The following AGBL4 variants were observed in gnomAD, a reference collection of about 807,000 sequenced individuals.
AGBL4 encodes AGBL carboxypeptidase 4, also known as cytosolic carboxypeptidase 6.
AGBL4 carries 58 observed loss-of-function variants against 66.4 expected under a neutral mutation model. That is an observed-to-expected ratio of 0.87 (90% CI 0.71 to 1.09). The LOEUF (loss-of-function observed/expected upper bound fraction) is 1.09, where lower values mean the gene tolerates loss of function less well. AGBL4 is among the 50% of genes least tolerant of loss of function. The pLI is 0.00. For synonymous variants in AGBL4, 234 were observed against 222.9 expected (o/e 1.05, Z -0.44); for missense variants, 579 against 631.0 (o/e 0.92, Z 0.88).
At chr1:48,841,124 A>T (rs1256320701) in intron 6 of AGBL4, among the ~76,000 whole-genome samples, 1 of 152,170 alleles carries the variant, frequency 6.6e-6, no homozygotes, top group African/African-American at 2.4e-5. Context: ...GAAGGGTGTG[A>T]CTACCAGAGG....
At chr1:48,890,440 A>T (rs1225031939) in intron 5 of AGBL4, among the ~76,000 whole-genome samples, 1 of 152,204 alleles carries the variant, frequency 6.6e-6, no homozygotes, top group African/African-American at 2.4e-5. Flanking sequence ...AATTTATTGG[A>T]GTAAGAATCT....
chr1:49,699,028 G>A (rs769026130), intron 2 of AGBL4, among the ~76,000 whole-genome samples: 1 of 152,004 alleles, frequency 6.6e-6, no homozygotes, highest in Non-Finnish European at 1.5e-5. Flanking sequence ...TTAAGTTCAT[G>A]TTTTAAAGCA....
intron 1 of AGBL4, among the ~76,000 whole-genome samples, chr1:49,936,106 G>A (rs1653979238): frequency 6.6e-6 from 1 of 152,180 alleles, no homozygotes; most frequent in African/African-American, 2.4e-5. Context: ...TTAGATGAAT[G>A]TATAACTAGA....
chr1:49,161,691 A>G (rs567590410), intron 4 of AGBL4, among the ~76,000 whole-genome samples: 1 of 152,208 alleles, frequency 6.6e-6, no homozygotes, highest in African/African-American at 2.4e-5. Context: ...TGGTGGGTCT[A>G]CTGGCTTTTT....
At chr1:49,753,173 T>A (rs574678716) in intron 2 of AGBL4, among the ~76,000 whole-genome samples, 1 of 152,372 alleles carries the variant, frequency 6.6e-6, no homozygotes, top group Admixed American at 6.5e-5. Flanking sequence ...CAATGATCTT[T>A]ACATTTTGGT....
intron 3 of AGBL4, among the ~76,000 whole-genome samples, chr1:49,574,041 T>C (rs1237813436): frequency 6.6e-6 from 1 of 152,122 alleles, no homozygotes; most frequent in Non-Finnish European, 1.5e-5. Context: ...AAAATAATGT[T>C]GATTCTCTTC....
At chr1:49,778,675 T>G (rs1644261180) in intron 2 of AGBL4, among the ~76,000 whole-genome samples, 1 of 152,174 alleles carries the variant, frequency 6.6e-6, no homozygotes, top group Non-Finnish European at 1.5e-5. Flanking sequence ...ATGCCTTGCC[T>G]CTGCAATGGG....
At chr1:48,850,414 C>T (rs1647007744) in intron 6 of AGBL4, among the ~76,000 whole-genome samples, 2 of 152,184 alleles carry the variant, frequency 1.3e-5, no homozygotes, top group African/African-American at 2.4e-5. Flanking sequence ...TTTGCTCTGA[C>T]CTTTTTGCCT....
intron 3 of AGBL4, among the ~76,000 whole-genome samples, chr1:49,416,461 T>A (rs1020684059): frequency 6.6e-6 from 1 of 152,130 alleles, no homozygotes; most frequent in South Asian, 2.1e-4. Context: ...GGAGCCACTA[T>A]TTCCTCATCC....
At chr1:48,683,572 C>A (rs1049995796) in intron 6 of AGBL4, among the ~76,000 whole-genome samples, 1 of 151,884 alleles carries the variant, frequency 6.6e-6, no homozygotes, top group African/African-American at 2.4e-5. Flanking sequence ...AAAGCGTGTT[C>A]AAAAAAAATC....
intron 3 of AGBL4, among the ~76,000 whole-genome samples, chr1:49,422,074 C>T (rs1301725992): frequency 6.6e-6 from 1 of 152,160 alleles, no homozygotes; most frequent in African/African-American, 2.4e-5. Flanking sequence ...AGACTTTGGT[C>T]TTAATCAATT....
At chr1:49,653,020 C>T (rs1646041150) in intron 3 of AGBL4, among the ~76,000 whole-genome samples, 2 of 152,246 alleles carry the variant, frequency 1.3e-5, no homozygotes, top group South Asian at 2.1e-4. Context: ...CTGGGTGAGA[C>T]CTCCCAACAG....
intron 2 of AGBL4, 32 bp from the exon 3 acceptor site, chr1:49,697,469 A>G (rs1285521493): frequency 6.8e-7 from 1 of 1,470,530 alleles, no homozygotes; most frequent in African/African-American, 1.4e-5. Flanking sequence ...ATTGGATTTT[A>G]ATAGAAGTTC....
chr1:49,943,572 C>T (rs1261935975), intron 1 of AGBL4, among the ~76,000 whole-genome samples: 1 of 152,072 alleles, frequency 6.6e-6, no homozygotes, highest in Non-Finnish European at 1.5e-5. Flanking sequence ...GGAGCTAAGT[C>T]AATTTAGAGA....
chr1:49,890,905 G>A (rs1042337708), intron 1 of AGBL4, among the ~76,000 whole-genome samples: 2 of 152,098 alleles, frequency 1.3e-5, no homozygotes, highest in Non-Finnish European at 2.9e-5. Context: ...ATTAAATTTG[G>A]GGTTCATCTG....
chr1:49,324,115 A>G (rs1447853013), intron 3 of AGBL4, among the ~76,000 whole-genome samples: 6 of 152,256 alleles, frequency 3.9e-5, no homozygotes, highest in Admixed American at 3.3e-4. Flanking sequence ...GAATTTCTAT[A>G]TGGTCCAAAC....
chr1:49,705,306 G>A lies in AGBL4; in HGVS notation c.158-7869C>T, dbSNP rs368231942. ...CCTGTGACTTTGCTGAAGTTATCAG[G>A]TTAAGAATATTTTGAGCTGAGATGA... On this transcript the variant is annotated intron_variant, in intron 2 of 13. Coordinates refer to ENST00000371839, the MANE Select transcript of AGBL4 (RefSeq NM_032785.4). 1.6e-3 allele frequency among the ~76,000 whole-genome samples: 241 copies of A among 152,098 alleles called. 1 individual carries two copies. The highest frequency in any genetic ancestry group is 4.9e-3 in the African/African-American group (204 of 41,540).
chr1:48,739,040 C>T (rs1649500719), intron 6 of AGBL4, among the ~76,000 whole-genome samples: 1 of 152,206 alleles, frequency 6.6e-6, no homozygotes, highest in Non-Finnish European at 1.5e-5. Context: ...TTCCTTGCTG[C>T]CACCACGGTG....
intron 3 of AGBL4, among the ~76,000 whole-genome samples, chr1:49,284,581 T>C (rs1166379357): frequency 6.6e-6 from 1 of 152,156 alleles, no homozygotes; most frequent in Non-Finnish European, 1.5e-5. Context: ...GACTGGCAAA[T>C]TGGATAAAGA....
Sources: gnomAD v4.1 joint callset for allele counts (sites outside exome capture counted in the v4.1 genomes callset) on GRCh38, gnomAD v4.1.1 for gene constraint, MANE v1.5 for transcripts, NCBI Gene and HGNC (gene_info 2026-07-23, HGNC 2026-07-21) for gene names.